Variants in TP53BP1 observed in about 807,000 individuals in gnomAD.
TP53BP1 encodes tumor protein p53 binding protein 1, also known as TP53-binding protein 1.
In TP53BP1, 61 loss-of-function variants were observed where a neutral mutation model predicts 200.8. That is an observed-to-expected ratio of 0.30 (90% confidence interval 0.25 to 0.38). The LOEUF (loss-of-function observed/expected upper bound fraction) is 0.38, where lower values mean the gene tolerates loss of function less well. Among genes scored for constraint, TP53BP1 ranks in the 10% least tolerant of loss-of-function variants. TP53BP1 has a pLI of 1.00. For synonymous variants in TP53BP1, 822 were observed against 844.3 expected (o/e 0.97, Z 0.46); for missense variants, 2,144 against 2,371.9 (o/e 0.90, Z 2.00).
At chr15:43,427,032 A>G (rs984753605) in intron 18 of TP53BP1, among the ~76,000 whole-genome samples, 21 of 151,728 alleles carry the variant, frequency 1.4e-4, no homozygotes, top group African/African-American at 4.1e-4. Context: ...AAAAAAAAAA[A>G]AAAAGAAAAT....
intron 13 of TP53BP1, chr15:43,446,795 T>C: frequency 6.6e-7 from 1 of 1,504,342 alleles, no homozygotes; most frequent in Non-Finnish European, 8.9e-7. Flanking sequence ...CAGGATTCAG[T>C]TCCACTTCTG....
chr15:43,478,678 A>G (rs887384638), intron 7 of TP53BP1, among the ~76,000 whole-genome samples: 4 of 152,196 alleles, frequency 2.6e-5, no homozygotes, highest in Non-Finnish European at 5.9e-5. Flanking sequence ...GAAAATCCCT[A>G]CATCTATCGA....
In TP53BP1 at chr15:43,480,011, G is replaced by A; in HGVS notation, c.506C>T (p.Ala169Val). 6.2e-7 allele frequency: 1 copy of A among 1,613,924 alleles called. No homozygotes were observed. The highest frequency in any genetic ancestry group is 8.5e-7 in the Non-Finnish European group (1 of 1,179,928). ...AACCCCAAAACCCAACTGTGATGAG[G>A]CAGTATCTAGGAACAAAATGCCAAG... ...TTHSLGAEDT[A>V]SSQLGFGVLE... The change falls in exon 6 of 28, where the codon GCC becomes GTC. Residue 169 changes from alanine (A) to valine (V), a missense_variant. Coordinates refer to ENST00000382044, the MANE Select transcript of TP53BP1 (RefSeq NM_001141980.3).
At chr15:43,426,170 G>T (rs1280309583) in intron 18 of TP53BP1, among the ~76,000 whole-genome samples, 1 of 151,946 alleles carries the variant, frequency 6.6e-6, no homozygotes, top group Non-Finnish European at 1.5e-5. Context: ...CAGGCCGGGC[G>T]CAGTGGCTCA....
chr15:43,445,589 C>A (rs2143004744), intron 14 of TP53BP1, among the ~76,000 whole-genome samples: 1 of 152,332 alleles, frequency 6.6e-6, no homozygotes, highest in East Asian at 1.9e-4. Flanking sequence ...AAAAACCTCT[C>A]TTACTCTGTT....
At chr15:43,473,653 G>A (rs2046781460) in intron 10 of TP53BP1, among the ~76,000 whole-genome samples, 1 of 151,674 alleles carries the variant, frequency 6.6e-6, no homozygotes, top group African/African-American at 2.4e-5. Flanking sequence ...GTGTGGATTG[G>A]TGCATTCACA....
At chr15:43,486,302 G>T (rs762254593) in intron 4 of TP53BP1, among the ~76,000 whole-genome samples, 3 of 152,192 alleles carry the variant, frequency 2.0e-5, no homozygotes, top group Non-Finnish European at 2.9e-5. Context: ...CTTGAACCCA[G>T]GAGGCGGAGG....
chr15:43,456,776 C>G lies in TP53BP1; in HGVS notation c.1832G>C (p.Gly611Ala). ...ATCTTCTGCTACCGTTTCTTCTCTG[C>G]CCTTGCAACCAGTGGCTAAAATACT... Reference protein sequence around the residue: ...DISILATGCKGREETVAEDVC... With the variant: ...DISILATGCKAREETVAEDVC... Residue 611 changes from glycine (G) to alanine (A), a missense_variant, in exon 12 of 28, where the codon GGC becomes GCC. Physicochemically the swap from Gly to Ala is moderately conservative, Grantham distance 60. Transcript: ENST00000382044. 6.2e-7 allele frequency: 1 copy of G among 1,614,000 alleles called. No homozygotes were observed. The highest frequency in any genetic ancestry group is 1.1e-5 in the South Asian group (1 of 91,084).
chr15:43,481,979 G>C (rs1011677688), intron 4 of TP53BP1, among the ~76,000 whole-genome samples: 1 of 151,920 alleles, frequency 6.6e-6, no homozygotes, highest in Non-Finnish European at 1.5e-5. Flanking sequence ...TGTAATCCCA[G>C]CACTTTGGGA....
Position 43,446,604 on chromosome 15 carries a change from G to A in TP53BP1, c.2837-14C>T. 6.2e-7 allele frequency: 1 copy of A among 1,605,198 alleles called. No individual in the cohort carries two copies. Among genetic ancestry groups the A allele is most frequent in the Non-Finnish European group, 8.5e-7 (1 of 1,175,252 alleles). On this transcript the variant is annotated splice_polypyrimidine_tract_variant and intron_variant, in intron 13 of 27. Coordinates refer to ENST00000382044, the MANE Select transcript of TP53BP1 (RefSeq NM_001141980.3). ...AGTTGCTAATACCTGAAAGAAGTGA[G>A]GCAGGGAGGAAGAAAAAAAGAACAC...
At chr15:43,449,548 A>G (rs1412521611) in intron 12 of TP53BP1, among the ~76,000 whole-genome samples, 3 of 152,212 alleles carry the variant, frequency 2.0e-5, no homozygotes, top group Non-Finnish European at 4.4e-5. Context: ...CTATAACCTA[A>G]TGGAAAATTC....
Position 43,406,782 on chromosome 15 carries a change from T to A in TP53BP1, c.*601A>T, listed in dbSNP as rs960252866. The A allele has an allele frequency of 5.6e-6, 2 of 358,396 alleles. No individual in the cohort carries two copies. Among genetic ancestry groups the A allele is most frequent in the East Asian group, 1.5e-4 (2 of 13,372 alleles). The allele number at this position is 358,396 out of a possible 1,614,324, so 22.2% of individuals were successfully genotyped here. Reference sequence around the variant, plus strand: ...TCACTTGTGCTTCCCATGTTTATCTTACGGAAGGTCATTCCATCAAGCTTA... The same window carrying A: ...TCACTTGTGCTTCCCATGTTTATCTAACGGAAGGTCATTCCATCAAGCTTA... On this transcript the variant is annotated 3_prime_UTR_variant, in exon 28 of 28. Transcript: ENST00000382044.
intron 4 of TP53BP1, among the ~76,000 whole-genome samples, chr15:43,486,411 G>A (rs2079047971): frequency 6.6e-6 from 1 of 152,122 alleles, no homozygotes; most frequent in African/African-American, 2.4e-5. Flanking sequence ...AATTGGGAGG[G>A]TGTTGCTGAG....
At position 43,416,361 on chromosome 15, in the gene TP53BP1, T is replaced by C. The variant is rs760339598; in HGVS notation, c.4737A>G (p.Lys1579=). 3.1e-6 allele frequency: 5 copies of C among 1,614,196 alleles called. No individual in the cohort carries two copies. Among genetic ancestry groups the C allele is most frequent in the Non-Finnish European group, 4.2e-6 (5 of 1,180,018 alleles). The change falls in exon 22 of 28, where the codon AAA becomes AAG. Residue 1579 remains lysine, a synonymous_variant. Transcript: ENST00000382044. The stretch of plus-strand genomic sequence containing the variant: ...GCTTATACCACTTTCTTTGGCCTTC[T>C]TTTTCAATGCTGTAGTACAGTTCCC... ...ESGELYYSIE[K]EGQRKWYKRM...
chr15:43,413,484 C>A, intron 23 of TP53BP1, 150 bp from the exon 24 acceptor site: 2 of 615,802 alleles, frequency 3.2e-6, no homozygotes, highest in Non-Finnish European at 5.6e-6. Flanking sequence ...AAGACCATTC[C>A]AATGGCCAAC....
At chr15:43,497,776 G>A (rs115097145), upstream of TP53BP1, among the ~76,000 whole-genome samples, 1,259 of 152,292 alleles carry the variant, frequency 8.3e-3, 17 homozygotes, top group African/African-American at 0.029. Context: ...TTCAGTTTGG[G>A]AAGATGAAAA....
chr15:43,447,781 A>T (rs1475781820), intron 12 of TP53BP1, among the ~76,000 whole-genome samples: 1 of 152,170 alleles, frequency 6.6e-6, no homozygotes, highest in East Asian at 1.9e-4. Flanking sequence ...CCTGGAGTCA[A>T]ATGGAACACA....
rs149860883 is a variant in TP53BP1 at position 43,413,228 on chromosome 15, G to T, written c.5196C>A (p.Thr1732=). Residue 1732 remains threonine (T), a synonymous_variant, in exon 24 of 28, where the codon ACC becomes ACA. Coordinates refer to ENST00000382044, the MANE Select transcript of TP53BP1 (RefSeq NM_001141980.3). ...GGAGAAATGCGTAGCCCAGAAACAA[G>T]GTCTTGTTGAGAGGCAAAGGCCCTC... ...EQRGPLPLNK[T]LFLGYAFLLT... is the part of the protein sequence containing the mutation. 5 of 1,614,182 alleles carry T rather than the reference G, an allele frequency of 3.1e-6. No homozygotes were observed. The highest frequency in any genetic ancestry group is 4.2e-6 in the Non-Finnish European group (5 of 1,180,032).
rs2044807098 is a variant in TP53BP1 at position 43,404,853 on chromosome 15, C to G, written c.*2530G>C. 1.0e-5 allele frequency: 5 copies of G among 485,480 alleles called. No individual in the cohort carries two copies. The East Asian group carries it at 1.8e-4, about 18-fold the overall frequency. The allele number at this position is 485,480 out of a possible 1,614,324, so 30.1% of individuals were successfully genotyped here. On this transcript the variant is annotated 3_prime_UTR_variant, in exon 28 of 28. Coordinates refer to ENST00000382044, the MANE Select transcript of TP53BP1 (RefSeq NM_001141980.3). Reference sequence around the variant, plus strand: ...CACTCCCAATTCTGATATGAACTAGCTGTGCAGCCGTGGGCACCCCGCCTT... The same window carrying G: ...CACTCCCAATTCTGATATGAACTAGGTGTGCAGCCGTGGGCACCCCGCCTT...
Sources: allele counts gnomAD v4.1 joint callset (sites outside exome capture counted in the v4.1 genomes callset), GRCh38; gene constraint gnomAD v4.1.1; transcripts MANE v1.5; gene names NCBI Gene and HGNC (gene_info 2026-07-23, HGNC 2026-07-21).